The following FGF14 variants were observed in gnomAD, a reference collection of about 807,000 sequenced individuals.
FGF14 encodes fibroblast growth factor homologous factor 4.
FGF14 carries 5 observed loss-of-function variants against 25.5 expected under a neutral mutation model. That is an observed-to-expected ratio of 0.20 (90% CI 0.10 to 0.41). FGF14 has a LOEUF of 0.41. FGF14 is among the 10% of genes least tolerant of loss of function. FGF14 has a pLI of 1.00. For synonymous variants in FGF14, 138 were observed against 118.3 expected, an observed-to-expected ratio of 1.17 and a Z score of -1.08; for missense variants, 222 against 320.1, an observed-to-expected ratio of 0.69 and a Z score of 2.34.
intron 1 of FGF14, among the ~76,000 whole-genome samples, chr13:102,315,623 G>C (rs1272797133): frequency 6.6e-6 from 1 of 152,156 alleles, no homozygotes; most frequent in African/African-American, 2.4e-5. Context: ...CCTTTTAGCT[G>C]TCTTGTAATC....
chr13:102,331,770 G>A (rs941593497), intron 1 of FGF14, among the ~76,000 whole-genome samples: 1 of 152,148 alleles, frequency 6.6e-6, no homozygotes, highest in Non-Finnish European at 1.5e-5. Context: ...AATCATAAAA[G>A]TTTCGAATTG....
intron 1 of FGF14, among the ~76,000 whole-genome samples, chr13:102,275,170 G>A (rs1429494961): frequency 6.6e-6 from 1 of 151,240 alleles, no homozygotes; most frequent in East Asian, 1.9e-4. Flanking sequence ...TTTTGACCTT[G>A]TGGGTAATAC....
At chr13:101,769,008 G>T (rs2038585668) in intron 3 of FGF14, among the ~76,000 whole-genome samples, 1 of 152,074 alleles carries the variant, frequency 6.6e-6, no homozygotes, top group Non-Finnish European at 1.5e-5. Flanking sequence ...GCAAATGACT[G>T]TCAACATTAT....
chr13:101,837,448 T>C (rs2042980277), intron 3 of FGF14, among the ~76,000 whole-genome samples: 1 of 152,076 alleles, frequency 6.6e-6, no homozygotes, highest in South Asian at 2.1e-4. Context: ...AATGAGAGAA[T>C]GTGTGGAAAA....
At chr13:101,957,457 T>G (rs2036580747) in intron 1 of FGF14, among the ~76,000 whole-genome samples, 1 of 152,162 alleles carries the variant, frequency 6.6e-6, no homozygotes, top group Admixed American at 6.5e-5. Flanking sequence ...ACTAAGTAAA[T>G]GCAAAGACAA....
chr13:101,788,801 C>A (rs1214254157), intron 3 of FGF14, among the ~76,000 whole-genome samples: 1 of 146,290 alleles, frequency 6.8e-6, no homozygotes, highest in Non-Finnish European at 1.5e-5. Context: ...ATTTCTTTGC[C>A]CTTTTTTCCC....
chr13:102,320,687 C>T (rs973567587), intron 1 of FGF14, among the ~76,000 whole-genome samples: 4 of 152,104 alleles, frequency 2.6e-5, no homozygotes, highest in Non-Finnish European at 5.9e-5. Context: ...GGGAGGACCT[C>T]CCTAGAAGCA....
At chr13:102,233,990 AG>A (rs2051205057) in intron 1 of FGF14, among the ~76,000 whole-genome samples, 1 of 152,238 alleles carries the variant, frequency 6.6e-6, no homozygotes, top group Non-Finnish European at 1.5e-5. Flanking sequence ...TGAGGTATCT[AG>A]ATTAGTCAAA....
At chr13:101,848,398 T>A (rs184211611) in intron 3 of FGF14, among the ~76,000 whole-genome samples, 29 of 152,146 alleles carry the variant, frequency 1.9e-4, no homozygotes, top group African/African-American at 7.0e-4. Flanking sequence ...TGCATTTCTA[T>A]TTAATAAAAT....
chr13:101,808,975 T>C (rs975988875), intron 3 of FGF14, among the ~76,000 whole-genome samples: 3 of 152,110 alleles, frequency 2.0e-5, no homozygotes, highest in Admixed American at 2.0e-4. Flanking sequence ...TTCATTTTAC[T>C]CTCTTCCACT....
In FGF14 at chr13:101,916,702, G is replaced by A; in HGVS notation, c.-57C>T. On this transcript the variant is annotated 5_prime_UTR_variant, in exon 1 of 5. Coordinates refer to ENST00000376143, the MANE Select transcript of FGF14 (RefSeq NM_004115.4). ...GGCGCGGGAGGACGGCGAGCCGGGG[G>A]CACCGGAGGGGAAGGCGGCGGCGCA... 7 of 1,408,800 alleles carry A rather than the reference G, an allele frequency of 5.0e-6. No homozygotes were observed. The highest frequency in any genetic ancestry group is 1.5e-5 in the South Asian group (1 of 68,152). 87.3% of individuals were successfully genotyped at this position (1,408,800 alleles called of 1,614,324 possible).
At chr13:101,929,079 G>A (rs2034568655) in intron 1 of FGF14, among the ~76,000 whole-genome samples, 1 of 152,088 alleles carries the variant, frequency 6.6e-6, no homozygotes, top group Admixed American at 6.6e-5. Context: ...TCTATTGAGC[G>A]CTAACTCTGC....
chr13:101,852,369 T>C (rs955768873), intron 3 of FGF14, among the ~76,000 whole-genome samples: 10 of 152,156 alleles, frequency 6.6e-5, no homozygotes, highest in African/African-American at 2.4e-4. Context: ...GGTAGAATTT[T>C]CAAACAACCT....
rs182506966 is a variant in FGF14, at chr13:102,212,663, T to A, written c.208+188808A>T. ...ATTGAATGAAGAAAACAGGGAATTA[T>A]GATTCTAACATTATTATCAGATTAA... On this transcript the variant is annotated intron_variant, in intron 1 of 4. Coordinates refer to the FGF14 transcript ENST00000376131. 3.0e-3 allele frequency among the ~76,000 whole-genome samples: 452 copies of A among 152,364 alleles called. 2 individuals carry two copies. The highest frequency in any genetic ancestry group is 4.0e-3 in the Non-Finnish European group (275 of 68,038).
intron 1 of FGF14, among the ~76,000 whole-genome samples, chr13:102,324,043 A>C (rs2056340076): frequency 6.6e-6 from 1 of 151,808 alleles, no homozygotes; most frequent in African/African-American, 2.4e-5. Context: ...GCACAGGCAC[A>C]CATCTGGAGG....
chr13:102,004,047 T>C (rs760491531), intron 1 of FGF14, among the ~76,000 whole-genome samples: 13 of 152,184 alleles, frequency 8.5e-5, no homozygotes, highest in Admixed American at 3.3e-4. Context: ...CCAAGTTGAT[T>C]CAAGTGCTGC....
chr13:102,060,511 G>C (rs189249224), intron 1 of FGF14, among the ~76,000 whole-genome samples: 1 of 152,322 alleles, frequency 6.6e-6, no homozygotes, highest in African/African-American at 2.4e-5. Flanking sequence ...GGGCAATAGA[G>C]CGAGACTCTG....
At chr13:101,773,470 A>C (rs1469518509) in intron 3 of FGF14, among the ~76,000 whole-genome samples, 1 of 152,112 alleles carries the variant, frequency 6.6e-6, no homozygotes, top group African/African-American at 2.4e-5. Context: ...GCAGATGGAC[A>C]GAAACTGAGA....
intron 1 of FGF14, among the ~76,000 whole-genome samples, chr13:101,949,204 T>C (rs1038541092): frequency 2.6e-5 from 4 of 152,194 alleles, no homozygotes; most frequent in African/African-American, 4.8e-5. Context: ...TTTGTGGAGA[T>C]TGAAATCTGA....
Sources: allele counts gnomAD v4.1 joint callset (sites outside exome capture counted in the v4.1 genomes callset), GRCh38; gene constraint gnomAD v4.1.1; transcripts MANE v1.5; gene names NCBI Gene and HGNC (gene_info 2026-07-23, HGNC 2026-07-21).